Variants in ADAMTS6 observed in about 807,000 individuals in gnomAD.
ADAMTS6 encodes the protein A disintegrin and metalloproteinase with thrombospondin motifs 6.
In ADAMTS6, 23 loss-of-function variants were observed where a neutral mutation model predicts 144.3. The observed-to-expected ratio is 0.16, with a 90% CI of 0.11 to 0.23. The LOEUF is 0.23. ADAMTS6 is among the 10% of genes least tolerant of loss of function. The probability of loss-of-function intolerance (pLI) is 1.00; values close to 1 mark genes in which losing one functional copy is unlikely to be tolerated. For synonymous variants in ADAMTS6, 444 were observed against 457.5 expected (o/e 0.97, Z 0.38); for missense variants, 999 against 1,379.6 (o/e 0.72, Z 4.37).
At chr5:65,441,699 T>C (rs1260781682) in intron 7 of ADAMTS6, among the ~76,000 whole-genome samples, 1 of 151,778 alleles carries the variant, frequency 6.6e-6, no homozygotes, top group African/African-American at 2.4e-5. Context: ...CTCAATAAAC[T>C]AAAAAGCATT....
At chr5:65,372,281 T>C (rs1580523545) in intron 7 of ADAMTS6, among the ~76,000 whole-genome samples, 1 of 151,246 alleles carries the variant, frequency 6.6e-6, no homozygotes, top group Non-Finnish European at 1.5e-5. Flanking sequence ...GTAAATGGAC[T>C]AAATGCTCCA....
intron 14 of ADAMTS6, among the ~76,000 whole-genome samples, chr5:65,259,186 A>C (rs1658445930): frequency 7.1e-6 from 1 of 140,908 alleles, no homozygotes; most frequent in South Asian, 2.3e-4. Flanking sequence ...GTGAAACCCC[A>C]GTCTCTACTA....
At chr5:65,395,193 A>G (rs1753238458) in intron 7 of ADAMTS6, among the ~76,000 whole-genome samples, 1 of 152,270 alleles carries the variant, frequency 6.6e-6, no homozygotes, top group African/African-American at 2.4e-5. Context: ...ATTCAGGTGT[A>G]TATTAAACAT....
intron 7 of ADAMTS6, among the ~76,000 whole-genome samples, chr5:65,412,013 C>A (rs1755097222): frequency 6.6e-6 from 1 of 152,106 alleles, no homozygotes; most frequent in Non-Finnish European, 1.5e-5. Context: ...CATTCTAAGA[C>A]ATTTACATGA....
At chr5:65,385,505 A>G (rs1353677786) in intron 7 of ADAMTS6, among the ~76,000 whole-genome samples, 1 of 152,212 alleles carries the variant, frequency 6.6e-6, no homozygotes, top group Non-Finnish European at 1.5e-5. Context: ...TTATATTAGT[A>G]TGAAATCAAT....
At chr5:65,465,035 T>C (rs1759895090) in intron 3 of ADAMTS6, among the ~76,000 whole-genome samples, 1 of 152,206 alleles carries the variant, frequency 6.6e-6, no homozygotes, top group African/African-American at 2.4e-5. Context: ...TCAACTTTGC[T>C]GGGCCTGCAC....
intron 24 of ADAMTS6, among the ~76,000 whole-genome samples, chr5:65,159,425 C>T (rs1332094285): frequency 9.2e-5 from 14 of 152,192 alleles, no homozygotes; most frequent in Non-Finnish European, 1.5e-5. Context: ...TCTCTGTAGC[C>T]TCATCTGCAC....
chr5:65,394,734 G>A (rs1433935415), intron 7 of ADAMTS6, among the ~76,000 whole-genome samples: 3 of 152,022 alleles, frequency 2.0e-5, no homozygotes, highest in Non-Finnish European at 4.4e-5. Context: ...ATGCATGTGT[G>A]GTAAATCTAA....
chr5:65,370,280 G>A (rs1035069237), intron 7 of ADAMTS6, among the ~76,000 whole-genome samples: 2 of 152,136 alleles, frequency 1.3e-5, no homozygotes, highest in African/African-American at 4.8e-5. Context: ...AGCCAAGATG[G>A]CCGAATAGAA....
chr5:65,338,296 G>T (rs1747497997), intron 7 of ADAMTS6, among the ~76,000 whole-genome samples: 1 of 152,188 alleles, frequency 6.6e-6, no homozygotes, highest in African/African-American at 2.4e-5. Flanking sequence ...TTCCACTTTT[G>T]AGTGAGTAGA....
At chr5:65,340,915 C>T (rs1220760711) in intron 7 of ADAMTS6, among the ~76,000 whole-genome samples, 1 of 151,766 alleles carries the variant, frequency 6.6e-6, no homozygotes, top group Non-Finnish European at 1.5e-5. Context: ...TATATAAACC[C>T]TACACAGGAA....
chr5:65,451,204 T>C (rs17827456), intron 7 of ADAMTS6: 110,519 of 280,296 alleles, frequency 0.39, 22,762 homozygotes, highest in South Asian at 0.44. Flanking sequence ...TACATGCTTT[T>C]GATTAAATAT....
At chr5:65,298,367 T>C (rs1196959095) in intron 10 of ADAMTS6, among the ~76,000 whole-genome samples, 2 of 152,160 alleles carry the variant, frequency 1.3e-5, no homozygotes, top group Non-Finnish European at 2.9e-5. Flanking sequence ...CACAGGAATC[T>C]TGAGCATGTT....
intron 7 of ADAMTS6, among the ~76,000 whole-genome samples, chr5:65,388,669 T>C (rs995303676): frequency 6.6e-6 from 1 of 152,194 alleles, no homozygotes; most frequent in Non-Finnish European, 1.5e-5. Context: ...ATTTAAATCT[T>C]GATGACGATC....
intron 15 of ADAMTS6, among the ~76,000 whole-genome samples, chr5:65,228,193 A>AT (rs1554051214): frequency 2.6e-5 from 4 of 152,052 alleles, no homozygotes; most frequent in Non-Finnish European, 4.4e-5. Flanking sequence ...TTCTTCTCTC[A>AT]TTTTTTTATC....
chr5:65,413,017 T>A (rs1428488200), intron 7 of ADAMTS6, among the ~76,000 whole-genome samples: 1 of 152,142 alleles, frequency 6.6e-6, no homozygotes, highest in Non-Finnish European at 1.5e-5. Context: ...AACAAACAGT[T>A]CCAACCTACG....
chr5:65,457,745 C>CTTTTTTT (rs1180960588), intron 4 of ADAMTS6, among the ~76,000 whole-genome samples: 31 of 97,424 alleles, frequency 3.2e-4, no homozygotes, highest in Non-Finnish European at 3.8e-4. Flanking sequence ...TTCTTTCTTT[C>CTTTTTTT]TTTTTTTTTT....
At chr5:65,478,654 A>G (rs966791836) in intron 1 of ADAMTS6, among the ~76,000 whole-genome samples, 3 of 150,764 alleles carry the variant, frequency 2.0e-5, no homozygotes, top group Admixed American at 1.3e-4. Context: ...CTTTCCCTCA[A>G]AAATGTGAAA....
intron 3 of ADAMTS6, among the ~76,000 whole-genome samples, chr5:65,469,961 A>G (rs1373153521): frequency 6.6e-6 from 1 of 152,162 alleles, no homozygotes; most frequent in Non-Finnish European, 1.5e-5. Flanking sequence ...AAGCATGGAA[A>G]TTTGCTTTGT....
Sources: allele counts gnomAD v4.1 joint callset (sites outside exome capture counted in the v4.1 genomes callset), GRCh38; gene constraint gnomAD v4.1.1; transcripts MANE v1.5; gene names NCBI Gene and HGNC (gene_info 2026-07-23, HGNC 2026-07-21).